PEX5: variants seen among roughly 807,000 people sequenced by gnomAD.
PEX5 encodes peroxisomal biogenesis factor 5.
A neutral mutation model predicts 82.9 loss-of-function variants in PEX5; 52 were observed. The observed-to-expected ratio is 0.63, with a 90% CI of 0.50 to 0.79. PEX5 has a LOEUF of 0.79. Among genes scored for constraint, PEX5 ranks in the 30% least tolerant of loss-of-function variants. PEX5 has a pLI of 0.00. For synonymous variants in PEX5, 300 were observed against 318.8 expected, an observed-to-expected ratio of 0.94 and a Z score of 0.63; for missense variants, 719 against 815.2, an observed-to-expected ratio of 0.88 and a Z score of 1.44.
Position 7,207,933 on chromosome 12 carries a change from G to A in PEX5, c.1111-77G>A, listed in dbSNP as rs1037632983. ...AGGATAGGGGCTTGAGAGCGAGATG[G>A]TGAGTGGGAGAAGCCAGGGGGAAGG... is the stretch of plus-strand genomic sequence containing the variant. On this transcript the variant is annotated intron_variant, in intron 11 of 15. Coordinates refer to ENST00000675855, the MANE Select transcript of PEX5 (RefSeq NM_001351132.2). The A allele has an allele frequency of 4.0e-6, 6 of 1,512,344 alleles. No individual in the cohort carries two copies. The African/African-American group carries it at 8.2e-5, about 21-fold the overall frequency. The allele number at this position is 1,512,344 out of a possible 1,614,324, so 93.7% of individuals were successfully genotyped here.
At chr12:7,193,237 T>C in intron 5 of PEX5, among the ~76,000 whole-genome samples, 1 of 146,228 alleles carries the variant, frequency 6.8e-6, no homozygotes, top group East Asian at 2.0e-4. Flanking sequence ...TGAGATTCTT[T>C]TTTTTTTTTT....
At chr12:7,217,712 A>G (rs968505997) in intron 17 of PEX5, among the ~76,000 whole-genome samples, 4 of 152,158 alleles carry the variant, frequency 2.6e-5, no homozygotes, top group African/African-American at 9.7e-5. Flanking sequence ...GTGGAGAATG[A>G]CCCTTGGTGG....
rs1944266511 is a variant in PEX5, at chr12:7,202,766, T to C, written c.846+62T>C. The C allele has an allele frequency of 7.4e-6, 8 of 1,086,164 alleles. No homozygotes were observed. In the East Asian group the frequency reaches 1.9e-4, roughly 26 times the overall value. The allele number at this position is 1,086,164 out of a possible 1,614,324, so 67.3% of individuals were successfully genotyped here. ...GAAAACACTCCTTGGAGTGAGTGGG[T>C]GTATGAACATCAAAGATGATGCAAA... On this transcript the variant is annotated intron_variant, in intron 9 of 15. Transcript: ENST00000675855.
chr12:7,208,686 C>G lies in PEX5; in HGVS notation c.1394+17C>G. The G allele has an allele frequency of 6.3e-7, 1 of 1,596,230 alleles. No individual in the cohort carries two copies. Among genetic ancestry groups the G allele is most frequent in the Non-Finnish European group, 8.6e-7 (1 of 1,164,272 alleles). On this transcript the variant is annotated intron_variant, in intron 13 of 15. Coordinates refer to ENST00000675855, the MANE Select transcript of PEX5 (RefSeq NM_001351132.2). ...CTTGTCTGAGTGAGTATGAGGGGTT[C>G]CTAGGATGAGGAATTACAGTAACCT...
intron 10 of PEX5, among the ~76,000 whole-genome samples, chr12:7,205,820 T>C (rs907447259): frequency 6.6e-6 from 1 of 152,196 alleles, no homozygotes. Flanking sequence ...GATGGTGGCA[T>C]TGAGTTGTTG....
chr12:7,189,771 GGGC>G (rs201786247), intron 1 of PEX5, 21 bp downstream of exon 1: 27 of 419,508 alleles, frequency 6.4e-5, no homozygotes, highest in East Asian at 5.5e-4. Flanking sequence ...GACCCCGAGG[GGGC>G]CCGGGGCCGC....
intron 13 of PEX5, 37 bp from the exon 14 acceptor site, chr12:7,208,968 C>A: frequency 6.3e-7 from 1 of 1,580,544 alleles, no homozygotes; most frequent in Non-Finnish European, 8.7e-7. Context: ...TAGAGACATT[C>A]ATCTACCTAC....
chr12:7,215,533 A>G (rs186692962), downstream of PEX5, among the ~76,000 whole-genome samples: 29 of 152,354 alleles, frequency 1.9e-4, no homozygotes, highest in African/African-American at 6.0e-4. Flanking sequence ...AATGTGATAC[A>G]TATGCAATAT....
At chr12:7,190,654 C>T in intron 2 of PEX5, 130 bp downstream of exon 2, 2 of 1,551,360 alleles carry the variant, frequency 1.3e-6, no homozygotes, top group East Asian at 4.8e-5. Flanking sequence ...TGGTGGTGGT[C>T]TGAGGTGGAG....
intron 6 of PEX5, among the ~76,000 whole-genome samples, chr12:7,201,475 A>C (rs1385859113): frequency 6.6e-6 from 1 of 152,214 alleles, no homozygotes; most frequent in Non-Finnish European, 1.5e-5. Context: ...CTTAAAGTTC[A>C]TAATTTTACC....
chr12:7,208,746 GT>G (rs902767164), intron 13 of PEX5, 77 bp downstream of exon 13: 16 of 1,267,966 alleles, frequency 1.3e-5, no homozygotes, highest in Non-Finnish European at 1.5e-5. Flanking sequence ...GGTTTTGGAA[GT>G]TTGGATGGAT....
At position 7,198,196 on chromosome 12, in the gene PEX5, A is replaced by G. The variant is rs113974996; in HGVS notation, c.449-815A>G. Among the ~76,000 whole-genome samples, 3 of 152,270 alleles carry G rather than the reference A, an allele frequency of 2.0e-5. No homozygotes were observed. In the East Asian group the frequency reaches 5.8e-4, roughly 29 times the overall value. On this transcript the variant is annotated intron_variant, in intron 5 of 15. Transcript: ENST00000675855. ...CTAGAGCTTCTGAGACAGTTTCTAA[A>G]ATTAGACTGAAAAAACATAGCTACT...
chr12:7,206,367 G>C (rs1275443898), intron 10 of PEX5, among the ~76,000 whole-genome samples: 1 of 152,212 alleles, frequency 6.6e-6, no homozygotes, highest in East Asian at 1.9e-4. Flanking sequence ...ACTTATGTCT[G>C]GCTGCTTTCG....
At chr12:7,205,903 A>G (rs748391449) in intron 10 of PEX5, among the ~76,000 whole-genome samples, 83 of 152,346 alleles carry the variant, frequency 5.4e-4, no homozygotes, top group South Asian at 2.3e-3. Context: ...TCATATCTTA[A>G]GGAAGTATCT....
chr12:7,213,261 A>G (rs1232906421), downstream of PEX5, among the ~76,000 whole-genome samples: 4 of 151,974 alleles, frequency 2.6e-5, no homozygotes, highest in Non-Finnish European at 5.9e-5. Context: ...AAGAGCCCAC[A>G]TCACCAAGTC....
chr12:7,207,885 G>C lies in PEX5; in HGVS notation c.1110+83G>C, dbSNP rs1341741689. 6 of 1,557,922 alleles carry C rather than the reference G, an allele frequency of 3.9e-6. No homozygotes were observed. In the African/African-American group the frequency reaches 4.1e-5, roughly 11 times the overall value. ...GGCCCCAAGGAGAGTAGTGCAGATG[G>C]GTTAGGGCCTGGGTGATGGCCTAGG... On this transcript the variant is annotated intron_variant, in intron 11 of 15. Coordinates refer to ENST00000675855, the MANE Select transcript of PEX5 (RefSeq NM_001351132.2).
downstream of PEX5, chr12:7,211,610 T>A (rs79296086): frequency 5.3e-5 from 8 of 152,214 alleles, no homozygotes; most frequent in East Asian, 9.6e-4. Context: ...CTAAAAATGA[T>A]AGAGCACAGG....
At position 7,190,873 on chromosome 12, in the gene PEX5, G is replaced by A. The variant is rs1389938548; in HGVS notation, c.148-15G>A. 6.2e-7 allele frequency: 1 copy of A among 1,610,744 alleles called. No individual in the cohort carries two copies. The highest frequency in any genetic ancestry group is 8.5e-7 in the Non-Finnish European group (1 of 1,178,338). The stretch of plus-strand genomic sequence containing the variant: ...AGGAACTGCGTCATTGTACATCTCT[G>A]TCTTTCTCTCTTAGGCCTCCAAGCC... On this transcript the variant is annotated splice_polypyrimidine_tract_variant and intron_variant, in intron 2 of 15. Coordinates refer to ENST00000675855, the MANE Select transcript of PEX5 (RefSeq NM_001351132.2).
intron 5 of PEX5, 94 bp from the exon 6 acceptor site, chr12:7,198,917 A>G: frequency 2.9e-6 from 2 of 699,572 alleles, no homozygotes; most frequent in Non-Finnish European, 5.2e-6. Flanking sequence ...TGGTGTGGCT[A>G]AGAGGGTCAG....
Sources: allele counts gnomAD v4.1 joint callset (sites outside exome capture counted in the v4.1 genomes callset), GRCh38; gene constraint gnomAD v4.1.1; transcripts MANE v1.5; gene names NCBI Gene and HGNC (gene_info 2026-07-23, HGNC 2026-07-21).